The following ROCK2 variants were observed in gnomAD, a reference collection of about 807,000 sequenced individuals.
ROCK2 encodes the protein rho-associated protein kinase 2.
A neutral mutation model predicts 195.1 loss-of-function variants in ROCK2; 61 were observed. The observed-to-expected ratio is 0.31, with a 90% CI of 0.25 to 0.39. The LOEUF (loss-of-function observed/expected upper bound fraction) is 0.39, where lower values mean the gene tolerates loss of function less well. Among genes scored for constraint, ROCK2 ranks in the 10% least tolerant of loss-of-function variants. The probability of loss-of-function intolerance (pLI) is 1.00; values close to 1 mark genes in which losing one functional copy is unlikely to be tolerated. For synonymous variants in ROCK2, 504 were observed against 545.5 expected (o/e 0.92, Z 1.06); for missense variants, 1,109 against 1,637.4 (o/e 0.68, Z 5.57).
chr2:11,213,016 A>G (rs894707817), intron 17 of ROCK2, among the ~76,000 whole-genome samples: 13 of 152,144 alleles, frequency 8.5e-5, no homozygotes, highest in African/African-American at 2.9e-4. Flanking sequence ...TCTTGTCACA[A>G]CCTACAAATC....
Position 11,184,611 on chromosome 2 carries a change from C to T in ROCK2, c.4164-1171G>A, listed in dbSNP as rs950431712. On this transcript the variant is annotated intron_variant, in intron 32 of 32. Transcript: ENST00000315872. ...AAATAATGAAAGCCCAAGTGGCAAACCACATGCACTACGTTGAAGTACTAA... is the reference window on the plus strand; with the variant it reads ...AAATAATGAAAGCCCAAGTGGCAAATCACATGCACTACGTTGAAGTACTAA... 8.1e-6 allele frequency: 8 copies of T among 983,930 alleles called. No individual in the cohort carries two copies. The African/African-American group carries it at 1.2e-4, about 15-fold the overall frequency. 60.9% of individuals were successfully genotyped at this position (983,930 alleles called of 1,614,324 possible). A position where few individuals can be genotyped will look rare whatever the true frequency, so the allele number is the denominator to read the frequency against.
intron 20 of ROCK2, among the ~76,000 whole-genome samples, chr2:11,206,898 G>A (rs149855096): frequency 3.9e-5 from 6 of 152,260 alleles, no homozygotes; most frequent in Middle Eastern, 3.4e-3. Context: ...TTGGTTAGTT[G>A]GTAAGTAACA....
intron 3 of ROCK2, among the ~76,000 whole-genome samples, chr2:11,283,601 A>AAGAAAGAAAAGAG (rs1667091776): frequency 6.6e-6 from 1 of 151,156 alleles, no homozygotes; most frequent in African/African-American, 2.4e-5. Flanking sequence ...AAAGAAAAGA[A>AAGAAAGAAAAGAG]AAAAAGGAAA....
rs1669211109 is a variant in ROCK2 at position 11,344,313 on chromosome 2, GC to G, written c.-178del. ...CCCCGCCTGGGGGCTGCTCCCAGGG[GC>G]CCGCCCGGCCCAGCCCGGCCCAGCC... On this transcript the variant is annotated 5_prime_UTR_variant, in exon 1 of 33. Coordinates refer to ENST00000315872, the MANE Select transcript of ROCK2 (RefSeq NM_004850.5). This position sits in a 1 kb window ranked among gnomAD's most constrained non-coding sequence, Gnocchi z 5.4. 12 of 1,213,952 alleles carry G rather than the reference GC, an allele frequency of 9.9e-6. No individual in the cohort carries two copies. Among genetic ancestry groups the G allele is most frequent in the Non-Finnish European group, 1.0e-5 (10 of 978,426 alleles). The allele number at this position is 1,213,952 out of a possible 1,614,324, so 75.2% of individuals were successfully genotyped here.
chr2:11,188,555 T>C (rs977069356), intron 32 of ROCK2, among the ~76,000 whole-genome samples: 4 of 152,218 alleles, frequency 2.6e-5, no homozygotes, highest in African/African-American at 4.8e-5. Context: ...AAAACATTCC[T>C]GTAGAATAGC....
chr2:11,235,735 T>C lies in ROCK2; in HGVS notation c.690A>G (p.Leu230=), dbSNP rs749051500. ...MLLDKHGHLK[L]ADFGTCMKMD... is the part of the protein sequence containing the mutation. ...TCTTCATACACGTGCCAAAATCTGC[T>C]AATTTTAGATGTCCATGTTTATCCA... Residue 230 remains leucine (L), a synonymous_variant, in exon 5 of 33, where the codon TTA becomes TTG. Transcript: ENST00000315872. This position sits in a 1 kb window ranked among gnomAD's most constrained non-coding sequence, Gnocchi z 4.2. The C allele has an allele frequency of 6.2e-6, 10 of 1,612,566 alleles. No individual in the cohort carries two copies. The highest frequency in any genetic ancestry group is 8.5e-6 in the Non-Finnish European group (10 of 1,179,438).
At chr2:11,307,160 C>A (rs574443937) in intron 1 of ROCK2, among the ~76,000 whole-genome samples, 1 of 152,178 alleles carries the variant, frequency 6.6e-6, no homozygotes, top group South Asian at 2.1e-4. Flanking sequence ...AAGTATAATT[C>A]AAAAATCTAA....
rs374985114 is a variant in ROCK2, at chr2:11,197,726, A to G, written c.3100-21T>C. 4 of 1,451,698 alleles carry G rather than the reference A, an allele frequency of 2.8e-6. No homozygotes were observed. The African/African-American group carries it at 5.8e-5, about 21-fold the overall frequency. 89.9% of individuals were successfully genotyped at this position (1,451,698 alleles called of 1,614,324 possible). On this transcript the variant is annotated intron_variant, in intron 25 of 32. Coordinates refer to ENST00000315872, the MANE Select transcript of ROCK2 (RefSeq NM_004850.5). This position sits in a 1 kb window ranked among gnomAD's most constrained non-coding sequence, Gnocchi z 4.9. ...ACAGCCTTAAAAAATGTAAAAATAA[A>G]TATAATACATAAATAAAATAAATTA... is the stretch of plus-strand genomic sequence containing the variant.
intron 3 of ROCK2, among the ~76,000 whole-genome samples, chr2:11,255,642 G>A (rs115247708): frequency 0.043 from 6,478 of 150,948 alleles, 302 homozygotes; most frequent in Non-Finnish European, 0.06. Flanking sequence ...AAACTAGGCC[G>A]GGTGCAGTGG....
chr2:11,225,153 A>C (rs954135281), intron 6 of ROCK2, among the ~76,000 whole-genome samples: 12 of 152,196 alleles, frequency 7.9e-5, no homozygotes, highest in African/African-American at 2.9e-4. Flanking sequence ...AGAGGGAAGA[A>C]ATGGTCTCCC....
rs145776901 is a variant in ROCK2 at position 11,265,327 on chromosome 2, C to G, written c.325-15529G>C. Among the ~76,000 whole-genome samples, 8 of 152,292 alleles carry G rather than the reference C, an allele frequency of 5.3e-5. No homozygotes were observed. In the East Asian group the frequency reaches 1.5e-3, roughly 29 times the overall value. On this transcript the variant is annotated intron_variant, in intron 3 of 32. Transcript: ENST00000315872. ...CAAATTAATAAGAGTAGTTCTCTCTCAATTCTAACACTACAGGTGAATTTT... is the reference window on the plus strand; with the variant it reads ...CAAATTAATAAGAGTAGTTCTCTCTGAATTCTAACACTACAGGTGAATTTT...
intron 5 of ROCK2, among the ~76,000 whole-genome samples, chr2:11,229,145 T>C (rs1051326713): frequency 3.3e-5 from 5 of 152,264 alleles, no homozygotes; most frequent in Non-Finnish European, 1.5e-5. Context: ...ATATTCTATA[T>C]AGTAATAGTA....
At chr2:11,254,066 GA>G (rs933685881) in intron 3 of ROCK2, among the ~76,000 whole-genome samples, 2 of 152,064 alleles carry the variant, frequency 1.3e-5, no homozygotes, top group Non-Finnish European at 2.9e-5. Context: ...ATCACTAATG[GA>G]AAATACAAAT....
At chr2:11,243,234 G>C (rs534733700) in intron 4 of ROCK2, among the ~76,000 whole-genome samples, 1 of 152,132 alleles carries the variant, frequency 6.6e-6, no homozygotes, top group African/African-American at 2.4e-5. Flanking sequence ...AACCTGATTG[G>C]GATCTGAATA....
chr2:11,234,116 A>C (rs1665120487), intron 5 of ROCK2: 1 of 152,122 alleles, frequency 6.6e-6, no homozygotes, highest in Non-Finnish European at 1.5e-5. Context: ...AAAATAATAA[A>C]TAAAAATAAA....
At chr2:11,240,392 T>G (rs556355170) in intron 4 of ROCK2, among the ~76,000 whole-genome samples, 1 of 152,330 alleles carries the variant, frequency 6.6e-6, no homozygotes, top group East Asian at 1.9e-4. Flanking sequence ...CTAGATATAT[T>G]ATTTATTATA....
At chr2:11,214,009 G>GAAA (rs1302513197) in intron 17 of ROCK2, among the ~76,000 whole-genome samples, 3 of 152,102 alleles carry the variant, frequency 2.0e-5, no homozygotes, top group African/African-American at 7.2e-5. Context: ...TATTTTAAAA[G>GAAA]AAAAACTTCT....
At chr2:11,317,400 T>C (rs1668228083) in intron 1 of ROCK2, among the ~76,000 whole-genome samples, 1 of 151,140 alleles carries the variant, frequency 6.6e-6, no homozygotes, top group Non-Finnish European at 1.5e-5. Context: ...AACGCAACTG[T>C]TACATAACTT....
At chr2:11,194,609 A>G (rs566333014) in intron 28 of ROCK2, among the ~76,000 whole-genome samples, 24 of 151,212 alleles carry the variant, frequency 1.6e-4, no homozygotes, top group South Asian at 6.2e-4. Context: ...CATCATTAGT[A>G]ACCTTCTCAA....
Sources: gnomAD v4.1 joint callset for allele counts (sites outside exome capture counted in the v4.1 genomes callset) on GRCh38, gnomAD v4.1.1 for gene constraint, Gnocchi (gnomAD v3.1) non-coding constraint, MANE v1.5 for transcripts, NCBI Gene and HGNC (gene_info 2026-07-23, HGNC 2026-07-21) for gene names.